The following ROBO1 variants were observed in gnomAD, a reference collection of about 807,000 sequenced individuals.
ROBO1 encodes roundabout homolog 1.
ROBO1 carries 149 observed loss-of-function variants against 195.9 expected under a neutral mutation model. The observed-to-expected ratio is 0.76, with a 90% confidence interval of 0.67 to 0.87. ROBO1 has a LOEUF of 0.87. ROBO1 is among the 40% of genes least tolerant of loss of function. The probability of loss-of-function intolerance (pLI) is 0.00; values close to 1 mark genes in which losing one functional copy is unlikely to be tolerated. For synonymous variants in ROBO1, 816 were observed against 733.2 expected, an observed-to-expected ratio of 1.11 and a Z score of -1.82; for missense variants, 1,933 against 2,068.3, an observed-to-expected ratio of 0.93 and a Z score of 1.27.
chr3:79,193,199 C>T (rs1447649926), intron 2 of ROBO1, among the ~76,000 whole-genome samples: 4 of 151,540 alleles, frequency 2.6e-5, no homozygotes. Flanking sequence ...AAGTAGATTC[C>T]TCAAGTAGGC....
At chr3:79,325,276 G>A (rs1022985490) in intron 2 of ROBO1, among the ~76,000 whole-genome samples, 1 of 152,076 alleles carries the variant, frequency 6.6e-6, no homozygotes, top group African/African-American at 2.4e-5. Context: ...GAATATCCTG[G>A]TTTAGTAAAT....
intron 2 of ROBO1, among the ~76,000 whole-genome samples, chr3:79,440,347 C>T (rs933097719): frequency 3.3e-5 from 5 of 152,084 alleles, no homozygotes; most frequent in Non-Finnish European, 5.9e-5. Flanking sequence ...ACCCGTCATA[C>T]CAAACTATTT....
At chr3:79,528,394 C>T (rs376201477) in intron 2 of ROBO1, among the ~76,000 whole-genome samples, 14 of 152,148 alleles carry the variant, frequency 9.2e-5, no homozygotes, top group African/African-American at 3.4e-4. Context: ...AATGTATTAA[C>T]TCATTTTCCT....
At chr3:79,435,512 T>G (rs897587969) in intron 2 of ROBO1, among the ~76,000 whole-genome samples, 4 of 152,202 alleles carry the variant, frequency 2.6e-5, no homozygotes, top group African/African-American at 9.6e-5. Context: ...AGGTTTATTC[T>G]TCTCTCTTAA....
intron 2 of ROBO1, among the ~76,000 whole-genome samples, chr3:79,516,282 A>G (rs1468690698): frequency 6.6e-6 from 1 of 152,180 alleles, no homozygotes; most frequent in Non-Finnish European, 1.5e-5. Flanking sequence ...TCCTTCCACT[A>G]GATCAAATGC....
At chr3:79,681,955 T>A (rs1346435697) in intron 1 of ROBO1, among the ~76,000 whole-genome samples, 2 of 152,060 alleles carry the variant, frequency 1.3e-5, no homozygotes, top group Non-Finnish European at 2.9e-5. Flanking sequence ...ACTGCTTATA[T>A]ACATCACTTT....
At chr3:78,974,746 T>C (rs1196117371) in intron 3 of ROBO1, among the ~76,000 whole-genome samples, 1 of 152,164 alleles carries the variant, frequency 6.6e-6, no homozygotes, top group Non-Finnish European at 1.5e-5. Flanking sequence ...TGATTTTCTT[T>C]CTTGTTTTCA....
At chr3:79,361,782 A>G (rs1401961807) in intron 2 of ROBO1, among the ~76,000 whole-genome samples, 1 of 152,054 alleles carries the variant, frequency 6.6e-6, no homozygotes, top group Non-Finnish European at 1.5e-5. Flanking sequence ...CTAGTATTGT[A>G]TTTACCTTAC....
At chr3:79,247,306 A>G (rs62259705) in intron 2 of ROBO1, among the ~76,000 whole-genome samples, 2,564 of 149,882 alleles carry the variant, frequency 0.017, 29 homozygotes, top group Non-Finnish European at 0.029. Context: ...TGCAACAACT[A>G]CTACTACTAC....
At chr3:79,159,080 A>T (rs1487397331) in intron 2 of ROBO1, among the ~76,000 whole-genome samples, 1 of 151,976 alleles carries the variant, frequency 6.6e-6, no homozygotes, top group African/African-American at 2.4e-5. Flanking sequence ...TTATTGTGAA[A>T]GACAAAGTAG....
chr3:79,455,869 A>G, intron 2 of ROBO1, among the ~76,000 whole-genome samples: 1 of 152,146 alleles, frequency 6.6e-6, no homozygotes, highest in East Asian at 1.9e-4. Context: ...ACGAAACATG[A>G]CACTCTGTAA....
At chr3:79,422,484 A>G (rs1174668369) in intron 2 of ROBO1, among the ~76,000 whole-genome samples, 1 of 152,104 alleles carries the variant, frequency 6.6e-6, no homozygotes, top group African/African-American at 2.4e-5. Flanking sequence ...TCTGTCCTAA[A>G]GACTTCGTTG....
chr3:79,567,578 G>T (rs180924488), intron 2 of ROBO1, among the ~76,000 whole-genome samples: 208 of 152,100 alleles, frequency 1.4e-3, no homozygotes, highest in African/African-American at 4.8e-3. Flanking sequence ...CATTCAAAAG[G>T]TTCCAGCCAA....
chr3:79,321,115 C>T (rs1343465082), intron 2 of ROBO1, among the ~76,000 whole-genome samples: 1 of 152,052 alleles, frequency 6.6e-6, no homozygotes, highest in East Asian at 1.9e-4. Flanking sequence ...ATAAATAATC[C>T]TCATTGTCAT....
At chr3:78,937,086 T>C (rs1032635598) in intron 4 of ROBO1, among the ~76,000 whole-genome samples, 1 of 152,142 alleles carries the variant, frequency 6.6e-6, no homozygotes, top group Non-Finnish European at 1.5e-5. Context: ...CTTTAATTTT[T>C]ATTGTATCTA....
At chr3:79,539,404 T>C (rs1473598384) in intron 2 of ROBO1, among the ~76,000 whole-genome samples, 1 of 152,144 alleles carries the variant, frequency 6.6e-6, no homozygotes, top group Non-Finnish European at 1.5e-5. Flanking sequence ...ATGTGTGTTT[T>C]AAAAAAGACT....
chr3:79,703,312 T>C (rs1947672404), intron 1 of ROBO1, among the ~76,000 whole-genome samples: 1 of 151,830 alleles, frequency 6.6e-6, no homozygotes, highest in Non-Finnish European at 1.5e-5. Flanking sequence ...ATAATTAATC[T>C]ATTTAATTAA....
intron 1 of ROBO1, among the ~76,000 whole-genome samples, chr3:79,612,923 C>T (rs1222056415): frequency 4.7e-4 from 1 of 2,120 alleles, no homozygotes; most frequent in South Asian, 0.015. Context: ...TGAAGTGATG[C>T]TATTAGTCAT....
At chr3:78,999,982 T>C (rs1281651114) in intron 3 of ROBO1, among the ~76,000 whole-genome samples, 5 of 152,166 alleles carry the variant, frequency 3.3e-5, no homozygotes. Context: ...CATGTGGGTG[T>C]GTGTTCATCA....
Sources: gnomAD v4.1 joint callset for allele counts (sites outside exome capture counted in the v4.1 genomes callset) on GRCh38, gnomAD v4.1.1 for gene constraint, MANE v1.5 for transcripts, NCBI Gene and HGNC (gene_info 2026-07-23, HGNC 2026-07-21) for gene names.